Variants in ZSWIM9 observed in about 807,000 individuals in gnomAD.
ZSWIM9 encodes zinc finger SWIM-type containing 9, also known as uncharacterized protein ZSWIM9.
A neutral mutation model predicts 25.0 loss-of-function variants in ZSWIM9; 11 were observed. That is an observed-to-expected ratio of 0.44 (90% CI 0.28 to 0.73). The LOEUF is 0.73. Ranked by LOEUF, ZSWIM9 falls within the 30% of genes least tolerant of loss-of-function variation. ZSWIM9 has a pLI of 0.16. For missense variants in ZSWIM9, 1,070 were observed against 1,296.5 expected, an observed-to-expected ratio of 0.83 and a Z score of 2.68; for synonymous variants, 562 against 582.1, an observed-to-expected ratio of 0.97 and a Z score of 0.50.
chr19:48,187,668 TG>T (rs1434142140), intron 3 of ZSWIM9: 1 of 132,582 alleles, frequency 7.5e-6, no homozygotes, highest in African/African-American at 2.9e-5. Context: ...ATAGGTGCGA[TG>T]GCTCACACCT....
chr19:48,182,919 AT>A lies in ZSWIM9; in HGVS notation c.588+154del. 1.5e-6 allele frequency: 1 copy of A among 663,184 alleles called. No individual in the cohort carries two copies. Among genetic ancestry groups the A allele is most frequent in the Non-Finnish European group, 2.5e-6 (1 of 395,124 alleles). The allele number at this position is 663,184 out of a possible 1,614,324, so 41.1% of individuals were successfully genotyped here. A position where few individuals can be genotyped will look rare whatever the true frequency, so the allele number is the denominator to read the frequency against. ...TCATTCAATAAGTACTTACCGAGGC[AT>A]TGGGGATGCAGCAGCAAACCAGACC... On this transcript the variant is annotated intron_variant, in intron 3 of 3. Transcript: ENST00000614654. The surrounding 1 kb of genome is among the most constrained non-coding windows in gnomAD (Gnocchi z 4.6).
At chr19:48,172,142 G>GGGGGGT in intron 2 of ZSWIM9, 65 bp downstream of exon 2, 5 of 546,402 alleles carry the variant, frequency 9.2e-6, no homozygotes, top group Non-Finnish European at 9.6e-6. Context: ...GTGTGGGTGG[G>GGGGGGT]AGACGGGCAG....
intron 3 of ZSWIM9, chr19:48,187,535 T>TTA: frequency 2.7e-5 from 1 of 36,646 alleles, no homozygotes; most frequent in African/African-American, 8.2e-5. Flanking sequence ...TATTATATTA[T>TTA]TATTATATTA....
chr19:48,188,575 G>A (rs2123365206), intron 3 of ZSWIM9, among the ~76,000 whole-genome samples: 1 of 152,244 alleles, frequency 6.6e-6, no homozygotes, highest in South Asian at 2.1e-4. Flanking sequence ...GGGCTTTGGG[G>A]TCCAGTCACA....
At chr19:48,181,107 A>G (rs1329766623) in intron 2 of ZSWIM9, 1 of 151,972 alleles carries the variant, frequency 6.6e-6, no homozygotes, top group Non-Finnish European at 1.5e-5. Context: ...GTTTTTTCGA[A>G]GTAGACTTTT....
At position 48,182,870 on chromosome 19, in the gene ZSWIM9, C is replaced by G. The variant is rs967971965; in HGVS notation, c.588+103C>G. The G allele has an allele frequency of 1.2e-6, 1 of 818,684 alleles. No individual in the cohort carries two copies. The highest frequency in any genetic ancestry group is 1.9e-6 in the Non-Finnish European group (1 of 533,028). The allele number at this position is 818,684 out of a possible 1,614,324, so 50.7% of individuals were successfully genotyped here. ...TCATCCGCCCTCTCATCCCTTCACT[C>G]CTTTCCTCCATTCATCCGTTCATTC... On this transcript the variant is annotated intron_variant, in intron 3 of 3. Transcript: ENST00000614654. The surrounding 1 kb of genome is among the most constrained non-coding windows in gnomAD (Gnocchi z 4.6).
At chr19:48,188,704 T>C (rs1281249914) in intron 3 of ZSWIM9, among the ~76,000 whole-genome samples, 1 of 152,092 alleles carries the variant, frequency 6.6e-6, no homozygotes, top group Non-Finnish European at 1.5e-5. Flanking sequence ...CTTCTGAGAA[T>C]GGCGAGCATT....
intron 3 of ZSWIM9, chr19:48,193,176 A>G (rs2037119191): frequency 6.5e-6 from 1 of 154,848 alleles, no homozygotes. Flanking sequence ...TAGCCCATCC[A>G]TGACCCTGTT....
At chr19:48,181,685 G>A (rs554209871) in intron 2 of ZSWIM9, 12 of 152,264 alleles carry the variant, frequency 7.9e-5, no homozygotes, top group South Asian at 2.1e-4. Flanking sequence ...GCCATTTCAC[G>A]TTCCCATCAG....
At chr19:48,187,985 T>TAGATAGATAGATAGATAGACAGAC (rs1555787428) in intron 3 of ZSWIM9, among the ~76,000 whole-genome samples, 5 of 146,270 alleles carry the variant, frequency 3.4e-5, no homozygotes, top group African/African-American at 1.3e-4. Flanking sequence ...GATAGATAGA[T>TAGATAGATAGATAGATAGACAGAC]AGACAGACAG....
In ZSWIM9 at chr19:48,185,137, C is replaced by CTT. The variant is rs34561252; in HGVS notation, c.588+2388_588+2389dup. Among the ~76,000 whole-genome samples the CTT allele has an allele frequency of 1.0e-3, 124 of 124,314 alleles. 1 individual carries two copies. Among genetic ancestry groups the CTT allele is most frequent in the African/African-American group, 3.4e-3 (112 of 32,780 alleles). The allele number at this position is 124,314 out of a possible 152,430, so 81.6% of individuals were successfully genotyped here. ...GTCTGTGTTTTGACCTGCTTTCATA[C>CTT]TTTTTTTTTTTTTTTTTTTGAGACG... On this transcript the variant is annotated intron_variant, in intron 3 of 3. Coordinates refer to ENST00000614654, the MANE Select transcript of ZSWIM9 (RefSeq NM_199341.4).
At chr19:48,193,141 G>A (rs1052723484) in intron 3 of ZSWIM9, 9 of 154,958 alleles carry the variant, frequency 5.8e-5, no homozygotes, top group African/African-American at 1.4e-4. Flanking sequence ...GTCCTTCCAT[G>A]CGTTGGCCAG....
chr19:48,196,369 A>G lies in ZSWIM9; in HGVS notation c.2305A>G (p.Thr769Ala). 8.1e-7 allele frequency: 1 copy of G among 1,232,214 alleles called. No homozygotes were observed. The highest frequency in any genetic ancestry group is 4.1e-5 in the South Asian group (1 of 24,312). The allele number at this position is 1,232,214 out of a possible 1,614,324, so 76.3% of individuals were successfully genotyped here. A position where few individuals can be genotyped will look rare whatever the true frequency, so the allele number is the denominator to read the frequency against. Residue 769 changes from threonine (T) to alanine (A), a missense_variant, in exon 4 of 4, where the codon ACC (threonine) becomes GCC (alanine). Transcript: ENST00000614654. ...LGLGNGVVSG[T>A]PVGTVLEGSP... is the part of the protein sequence containing the mutation. ...GCTGGGGAATGGAGTCGTGTCTGGC[A>G]CCCCGGTGGGGACTGTATTGGAAGG...
chr19:48,181,798 G>A (rs909570715), intron 2 of ZSWIM9: 3 of 152,082 alleles, frequency 2.0e-5, no homozygotes, highest in African/African-American at 7.2e-5. Context: ...ATTTCCTTAG[G>A]GTTTTAATTT....
At chr19:48,176,366 C>T (rs1052361204) in intron 2 of ZSWIM9, among the ~76,000 whole-genome samples, 1 of 152,174 alleles carries the variant, frequency 6.6e-6, no homozygotes, top group Non-Finnish European at 1.5e-5. Flanking sequence ...ATTTAGCCCT[C>T]TCTACAAGCC....
Position 48,195,628 on chromosome 19 carries a change from G to C in ZSWIM9, c.1564G>C (p.Asp522His), listed in dbSNP as rs1388987429. ...GEKGRALQIR[D>H]WRGGRLENQK... Reference sequence around the variant, plus strand: ...GAAGGGGAGGGCACTGCAGATCAGAGATTGGAGAGGGGGTCGGTTGGAGAA... The same window carrying C: ...GAAGGGGAGGGCACTGCAGATCAGACATTGGAGAGGGGGTCGGTTGGAGAA... The change falls in exon 4 of 4, where the codon GAT (aspartate) becomes CAT (histidine). Residue 522 changes from aspartate to histidine, a missense_variant. Physicochemically the swap from Asp to His is moderately conservative, Grantham distance 81. Coordinates refer to ENST00000614654, the MANE Select transcript of ZSWIM9 (RefSeq NM_199341.4). This position sits in a 1 kb window ranked among gnomAD's most constrained non-coding sequence, Gnocchi z 5.8. 1 of 1,420,236 alleles carries C rather than the reference G, an allele frequency of 7.0e-7. No homozygotes were observed. The highest frequency in any genetic ancestry group is 9.1e-7 in the Non-Finnish European group (1 of 1,093,394). 88.0% of individuals were successfully genotyped at this position (1,420,236 alleles called of 1,614,324 possible).
chr19:48,187,500 ATTATAT>A (rs2037034900), intron 3 of ZSWIM9, among the ~76,000 whole-genome samples: 2 of 3,452 alleles, frequency 5.8e-4, no homozygotes, highest in Non-Finnish European at 1.1e-3. Flanking sequence ...ATTATAATAT[ATTATAT>A]TATATTATAT....
At chr19:48,175,605 G>A (rs1218855797) in intron 2 of ZSWIM9, among the ~76,000 whole-genome samples, 2 of 152,110 alleles carry the variant, frequency 1.3e-5, no homozygotes, top group Admixed American at 6.5e-5. Context: ...TCTGGGTGGA[G>A]GAAGATCCCT....
chr19:48,195,743 G>A lies in ZSWIM9; in HGVS notation c.1679G>A (p.Arg560Lys). 6.7e-7 allele frequency: 1 copy of A among 1,486,000 alleles called. No individual in the cohort carries two copies. The highest frequency in any genetic ancestry group is 8.9e-7 in the Non-Finnish European group (1 of 1,125,170). The allele number at this position is 1,486,000 out of a possible 1,614,324, so 92.1% of individuals were successfully genotyped here. ...HLRGPEIRDWRGPQLEGEKDW... is the reference protein window; with the variant it reads ...HLRGPEIRDWKGPQLEGEKDW... ...AGAGGGCCAGAGATTAGAGACTGGAGGGGGCCCCAGTTGGAGGGTGAGAAA... is the reference window on the plus strand; with the variant it reads ...AGAGGGCCAGAGATTAGAGACTGGAAGGGGCCCCAGTTGGAGGGTGAGAAA... The change falls in exon 4 of 4, where the codon AGG (arginine) becomes AAG (lysine). Residue 560 changes from arginine to lysine, a missense_variant. By Grantham distance (26) the Arg-to-Lys change is conservative. Transcript: ENST00000614654. This position sits in a 1 kb window ranked among gnomAD's most constrained non-coding sequence, Gnocchi z 5.8.
Sources: gnomAD v4.1 joint callset for allele counts (sites outside exome capture counted in the v4.1 genomes callset) on GRCh38, gnomAD v4.1.1 for gene constraint, Gnocchi (gnomAD v3.1) non-coding constraint, MANE v1.5 for transcripts, NCBI Gene and HGNC (gene_info 2026-07-23, HGNC 2026-07-21) for gene names.